The following DIAPH3 variants were observed in gnomAD, a reference collection of about 807,000 sequenced individuals.
DIAPH3 encodes diaphanous related formin 3.
DIAPH3 carries 117 observed loss-of-function variants against 144.3 expected under a neutral mutation model. The observed-to-expected ratio is 0.81, with a 90% CI of 0.70 to 0.95. DIAPH3 has a LOEUF of 0.95. Ranked by LOEUF, DIAPH3 falls within the 40% of genes least tolerant of loss-of-function variation. The pLI, the probability that DIAPH3 is intolerant of heterozygous loss-of-function variation, is 0.00. For missense variants in DIAPH3, 1,421 were observed against 1,412.7 expected (o/e 1.01, Z -0.09); for synonymous variants, 519 against 488.9 (o/e 1.06, Z -0.81).
intron 27 of DIAPH3, among the ~76,000 whole-genome samples, chr13:59,673,165 A>G (rs1253862628): frequency 6.6e-6 from 1 of 152,144 alleles, no homozygotes. Flanking sequence ...CAGTAACGTA[A>G]ACTCTTCTGT....
chr13:60,153,770 G>A (rs1951904654), intron 1 of DIAPH3, among the ~76,000 whole-genome samples: 1 of 152,002 alleles, frequency 6.6e-6, no homozygotes, highest in African/African-American at 2.4e-5. Context: ...GGCATAAAGA[G>A]TTACACTTAG....
chr13:59,825,650 C>G (rs1446788746), intron 24 of DIAPH3, among the ~76,000 whole-genome samples: 1 of 152,154 alleles, frequency 6.6e-6, no homozygotes, highest in South Asian at 2.1e-4. Flanking sequence ...ACAGTCCTAC[C>G]AACAGTGTAA....
chr13:59,870,001 C>T (rs2044157922), intron 21 of DIAPH3, among the ~76,000 whole-genome samples: 1 of 151,980 alleles, frequency 6.6e-6, no homozygotes, highest in Non-Finnish European at 1.5e-5. Flanking sequence ...TATCAATTTT[C>T]TTTCATAGAT....
At chr13:60,045,327 T>C (rs1229303465) in intron 4 of DIAPH3, among the ~76,000 whole-genome samples, 1 of 150,996 alleles carries the variant, frequency 6.6e-6, no homozygotes, top group Admixed American at 6.6e-5. Flanking sequence ...GCAACAAGAT[T>C]GAAACTCCGT....
chr13:60,065,075 A>G (rs1019347161), intron 4 of DIAPH3, among the ~76,000 whole-genome samples: 1 of 152,142 alleles, frequency 6.6e-6, no homozygotes, highest in African/African-American at 2.4e-5. Context: ...AACATCAAAG[A>G]TCACTGATCA....
chr13:59,991,808 T>C (rs1001082651), intron 11 of DIAPH3, among the ~76,000 whole-genome samples: 15 of 151,904 alleles, frequency 9.9e-5, no homozygotes, highest in Admixed American at 3.9e-4. Flanking sequence ...GTGTCAAATA[T>C]AAAAAGAAAA....
intron 20 of DIAPH3, among the ~76,000 whole-genome samples, chr13:59,907,404 T>G (rs1483547365): frequency 6.6e-6 from 1 of 152,200 alleles, no homozygotes; most frequent in Non-Finnish European, 1.5e-5. Flanking sequence ...TTGGCCAGGA[T>G]CCTTAGTCTT....
In DIAPH3 at chr13:59,924,796, A is replaced by G. The variant is rs191267920; in HGVS notation, c.2149T>C (p.Ser717Pro). Residue 717 changes from serine to proline, a missense_variant, in exon 18 of 28, where the codon TCT becomes CCT. Ser to Pro is a moderately conservative substitution (Grantham distance 74). Transcript: ENST00000400324. ...TTACAAAGGTTCTGGGCAATTTTAG[A>G]ATCTAAAAACTTAAGTTCTTTAATT... Reference protein sequence around the residue: ...KKIKELKFLDSKIAQNLSIFL... With the variant: ...KKIKELKFLDPKIAQNLSIFL... 744 of 1,602,254 alleles carry G rather than the reference A, an allele frequency of 4.6e-4. 4 individuals are homozygous for G. The African/African-American group carries it at 8.7e-3, about 19-fold the overall frequency.
intron 14 of DIAPH3, among the ~76,000 whole-genome samples, chr13:59,978,655 T>C (rs1247116019): frequency 6.6e-6 from 1 of 151,756 alleles, no homozygotes; most frequent in Non-Finnish European, 1.5e-5. Flanking sequence ...ATATAAACTT[T>C]GTTTTAGCAT....
At chr13:59,901,340 C>T (rs1203724327) in intron 20 of DIAPH3, among the ~76,000 whole-genome samples, 1 of 152,240 alleles carries the variant, frequency 6.6e-6, no homozygotes, top group Non-Finnish European at 1.5e-5. Context: ...CCTCACATAG[C>T]CAAACTCACT....
chr13:59,774,977 T>C (rs2038322944), intron 25 of DIAPH3, among the ~76,000 whole-genome samples, 154 bp from the exon 26 acceptor site: 1 of 152,170 alleles, frequency 6.6e-6, no homozygotes, highest in Admixed American at 6.5e-5. Context: ...GGACTTTAAC[T>C]CTCTCATTAA....
chr13:59,784,856 C>T (rs2038949248), intron 25 of DIAPH3, among the ~76,000 whole-genome samples: 1 of 152,028 alleles, frequency 6.6e-6, no homozygotes, highest in Non-Finnish European at 1.5e-5. Context: ...CGCGCGCACA[C>T]ACACACACAC....
At position 59,764,718 on chromosome 13, in the gene DIAPH3, C is replaced by T. The variant is rs188269552; in HGVS notation, c.3319+9471G>A. ...TACACTGGAGTGATGCAGCTACAAA[C>T]CAAGGAACACCAAGGACCACCAGCA... On this transcript the variant is annotated intron_variant, in intron 27 of 27. Transcript: ENST00000400324. Among the ~76,000 whole-genome samples, 21 of 151,538 alleles carry T rather than the reference C, an allele frequency of 1.4e-4. No individual in the cohort carries two copies. The East Asian group carries it at 3.3e-3, about 24-fold the overall frequency.
intron 3 of DIAPH3, among the ~76,000 whole-genome samples, chr13:60,100,742 CTT>C (rs1243416590): frequency 2.0e-5 from 3 of 150,214 alleles, no homozygotes; most frequent in African/African-American, 7.4e-5. Context: ...TTATAAATAA[CTT>C]GGGGTAAAAA....
At chr13:60,137,740 GAC>G in intron 1 of DIAPH3, among the ~76,000 whole-genome samples, 1 of 139,214 alleles carries the variant, frequency 7.2e-6, no homozygotes, top group African/African-American at 2.7e-5. Context: ...CATTAAAATT[GAC>G]TTTTTTTTTT....
At chr13:60,160,440 C>T (rs1952238964) in intron 1 of DIAPH3, among the ~76,000 whole-genome samples, 1 of 152,216 alleles carries the variant, frequency 6.6e-6, no homozygotes, top group Non-Finnish European at 1.5e-5. Context: ...GACTGACCTA[C>T]ATCCTAGAGA....
intron 9 of DIAPH3, among the ~76,000 whole-genome samples, chr13:59,994,546 T>C (rs2052064920): frequency 2.0e-5 from 3 of 151,924 alleles, no homozygotes; most frequent in Non-Finnish European, 4.4e-5. Context: ...AGTAAAATGA[T>C]AAAAATATAC....
At chr13:60,000,951 G>C (rs2052490393) in intron 9 of DIAPH3, among the ~76,000 whole-genome samples, 1 of 152,168 alleles carries the variant, frequency 6.6e-6, no homozygotes, top group Non-Finnish European at 1.5e-5. Flanking sequence ...TAAAGGAAAA[G>C]TAGCCAAGGT....
chr13:59,756,444 A>AAGGAAGGAAGGAAG (rs1566265975), intron 27 of DIAPH3, among the ~76,000 whole-genome samples: 29 of 122,756 alleles, frequency 2.4e-4, no homozygotes, highest in Admixed American at 2.5e-4. Flanking sequence ...AAGGAAGGAA[A>AAGGAAGGAAGGAAG]GAAGGAAGGA....
Sources: gnomAD v4.1 joint callset for allele counts (sites outside exome capture counted in the v4.1 genomes callset) on GRCh38, gnomAD v4.1.1 for gene constraint, MANE v1.5 for transcripts, NCBI Gene and HGNC (gene_info 2026-07-23, HGNC 2026-07-21) for gene names.